The following HEATR5B variants were observed in gnomAD, a reference collection of about 807,000 sequenced individuals.
The protein encoded by HEATR5B is HEAT repeat containing 5B, also known as HEAT repeat-containing protein 5B.
HEATR5B carries 156 observed loss-of-function variants against 224.1 expected under a neutral mutation model. The ratio of observed to expected loss-of-function variants is 0.70; its 90% confidence interval spans 0.61 to 0.80. The LOEUF (loss-of-function observed/expected upper bound fraction) is 0.80, where lower values mean the gene tolerates loss of function less well. HEATR5B is among the 30% of genes least tolerant of loss of function. The pLI, the probability that HEATR5B is intolerant of heterozygous loss-of-function variation, is 0.00. For synonymous variants in HEATR5B, 1,027 were observed against 893.0 expected (o/e 1.15, Z -2.68); for missense variants, 2,323 against 2,535.5 (o/e 0.92, Z 1.80).
intron 10 of HEATR5B, among the ~76,000 whole-genome samples, chr2:37,063,832 G>C (rs955013030): frequency 1.3e-5 from 2 of 152,092 alleles, no homozygotes; most frequent in Admixed American, 6.5e-5. Flanking sequence ...TATTTTTTGA[G>C]ACGGAGTCTT....
intron 18 of HEATR5B, among the ~76,000 whole-genome samples, chr2:37,048,975 G>C (rs1227895743): frequency 1.3e-5 from 2 of 152,116 alleles, no homozygotes; most frequent in Non-Finnish European, 2.9e-5. Context: ...ATATATGATA[G>C]CTAAGAATGA....
At chr2:37,004,714 G>C (rs1449248873) in intron 30 of HEATR5B, among the ~76,000 whole-genome samples, 1 of 151,964 alleles carries the variant, frequency 6.6e-6, no homozygotes, top group African/African-American at 2.4e-5. Flanking sequence ...CCTTGTCTTT[G>C]ATAACTCTGT....
intron 26 of HEATR5B, among the ~76,000 whole-genome samples, chr2:37,018,251 T>G (rs1668248003): frequency 6.6e-6 from 1 of 152,194 alleles, no homozygotes; most frequent in South Asian, 2.1e-4. Context: ...AATTCAGTAT[T>G]CATATACAAG....
rs775120824 is a variant in HEATR5B at position 36,995,087 on chromosome 2, G to GTTTTTTTTTT, written c.5546-4298_5546-4289dup. 1.6e-3 allele frequency among the ~76,000 whole-genome samples: 168 copies of GTTTTTTTTTT among 104,118 alleles called. 19 individuals carry two copies. The highest frequency in any genetic ancestry group is 4.1e-3 in the African/African-American group (101 of 24,448). 68.3% of individuals were successfully genotyped at this position (104,118 alleles called of 152,430 possible). ...CGATTTCTTCGTCTTGTTATTCCTT[G>GTTTTTTTTTT]TTTTTTTTTTTTTTTTTCCTGAGAT... On this transcript the variant is annotated intron_variant, in intron 33 of 35. Transcript: ENST00000233099.
intron 10 of HEATR5B, among the ~76,000 whole-genome samples, chr2:37,064,279 G>GT (rs1168347754): frequency 0.053 from 6,797 of 127,126 alleles, 237 homozygotes; most frequent in South Asian, 0.079. Context: ...CTAAGGTTGG[G>GT]TTTTTTTTTT....
intron 16 of HEATR5B, chr2:37,055,102 C>A (rs1395927054): frequency 7.3e-6 from 3 of 413,276 alleles, no homozygotes; most frequent in South Asian, 5.6e-5. Flanking sequence ...CTAAGAACAG[C>A]AGTAAATATA....
rs768940392 is a variant in HEATR5B at position 37,028,011 on chromosome 2, CA to C, written c.3764del (p.Leu1255ArgfsTer83). The C allele has an allele frequency of 1.9e-6, 3 of 1,614,168 alleles. No homozygotes were observed. In the South Asian group the frequency reaches 3.3e-5, roughly 18 times the overall value. Reference protein sequence around the residue: ...WATRVFAADCLCRIINLCENA... With the variant: ...WATRVFAADCXCRIINLCENA... Reference sequence around the variant, plus strand: ...TCTCACACAAATTGATGATTCGACACAGGCAATCGGCAGCAAATACTCGAGT... The same window carrying C: ...TCTCACACAAATTGATGATTCGACACGGCAATCGGCAGCAAATACTCGAGT... On this transcript the variant is annotated frameshift_variant, in exon 24 of 36. Coordinates refer to ENST00000233099, the MANE Select transcript of HEATR5B (RefSeq NM_019024.3). LOFTEE classifies it high-confidence loss of function.
intron 24 of HEATR5B, among the ~76,000 whole-genome samples, chr2:37,024,541 A>G (rs1007281533): frequency 6.6e-6 from 1 of 152,210 alleles, no homozygotes; most frequent in Non-Finnish European, 1.5e-5. Flanking sequence ...TGCCCAACTG[A>G]TAAGCTAGAA....
chr2:37,078,465 T>A (rs1000262246), intron 3 of HEATR5B, among the ~76,000 whole-genome samples: 6 of 152,238 alleles, frequency 3.9e-5, no homozygotes, highest in African/African-American at 1.4e-4. Context: ...ATTATGTGTG[T>A]ATTTGCTAAG....
chr2:37,064,951 C>A lies in HEATR5B; in HGVS notation c.1373G>T (p.Ser458Ile). The change falls in exon 10 of 36, where the codon AGC becomes ATC. Residue 458 changes from serine (S) to isoleucine (I), a missense_variant. Ser to Ile is a moderately radical substitution (Grantham distance 142). This residue lies in a region of HEATR5B where 502 missense variants were observed against 517.8 expected (regional missense o/e 0.97). Transcript: ENST00000233099. ...EIVTSVLLHP[S>I]MAARLAAAWC... Reference sequence around the variant, plus strand: ...TGCAGCAGCAAGTCGGGCAGCCATGCTTGGATGAAGCAGCACTGAAGTCAC... The same window carrying A: ...TGCAGCAGCAAGTCGGGCAGCCATGATTGGATGAAGCAGCACTGAAGTCAC... 1 of 1,614,086 alleles carries A rather than the reference C, an allele frequency of 6.2e-7. No individual in the cohort carries two copies. Among genetic ancestry groups the A allele is most frequent in the South Asian group, 1.1e-5 (1 of 91,084 alleles).
intron 24 of HEATR5B, among the ~76,000 whole-genome samples, chr2:37,024,444 T>C (rs1255603628): frequency 6.6e-6 from 1 of 152,238 alleles, no homozygotes; most frequent in Non-Finnish European, 1.5e-5. Flanking sequence ...GTTAATTTGC[T>C]AGATTTAACT....
chr2:37,083,454 A>G lies in HEATR5B; in HGVS notation c.-22-18T>C. On this transcript the variant is annotated intron_variant, in intron 1 of 35. Transcript: ENST00000233099. ...ATTCACACCTTAAATTTAACAGAGT[A>G]AAAAATACTTGTAAGTATTTTTTAA... The G allele has an allele frequency of 6.4e-7, 1 of 1,557,754 alleles. No homozygotes were observed. Among genetic ancestry groups the G allele is most frequent in the African/African-American group, 1.4e-5 (1 of 73,208 alleles).
At chr2:37,056,683 A>C in intron 15 of HEATR5B, 68 bp from the exon 16 acceptor site, 1 of 1,346,496 alleles carries the variant, frequency 7.4e-7, no homozygotes, top group East Asian at 2.4e-5. Context: ...AACATTGGGA[A>C]TGAGGATTAC....
intron 33 of HEATR5B, among the ~76,000 whole-genome samples, chr2:36,998,148 A>G (rs767523798): frequency 1.3e-5 from 2 of 152,220 alleles, no homozygotes; most frequent in Non-Finnish European, 2.9e-5. Context: ...AAATGTTTTA[A>G]TAGGTGAGAT....
chr2:36,992,725 AT>A (rs1666414443), intron 33 of HEATR5B, among the ~76,000 whole-genome samples: 1 of 152,124 alleles, frequency 6.6e-6, no homozygotes, highest in South Asian at 2.1e-4. Flanking sequence ...TTTTATATTC[AT>A]TTTTTAAAAA....
In HEATR5B at chr2:37,040,230, T is replaced by C. The variant is rs1028971886; in HGVS notation, c.3046+99A>G. ...CAAGTATTCAGTACATAGTAATTGT[T>C]ATTACAAAATTTCTTCAAGTAATGT... On this transcript the variant is annotated intron_variant, in intron 20 of 35. Coordinates refer to ENST00000233099, the MANE Select transcript of HEATR5B (RefSeq NM_019024.3). 8.3e-6 allele frequency: 8 copies of C among 967,640 alleles called. No homozygotes were observed. In the African/African-American group the frequency reaches 1.0e-4, roughly 12 times the overall value. 59.9% of individuals were successfully genotyped at this position (967,640 alleles called of 1,614,324 possible).
intron 24 of HEATR5B, among the ~76,000 whole-genome samples, chr2:37,024,242 A>G (rs1668633742): frequency 1.3e-5 from 2 of 152,300 alleles, no homozygotes; most frequent in South Asian, 4.1e-4. Context: ...ACCAGAGGTT[A>G]AGGGTAAGAT....
intron 24 of HEATR5B, 65 bp from the exon 25 acceptor site, chr2:37,020,901 T>C (rs530519007): frequency 1.1e-6 from 1 of 893,678 alleles, no homozygotes; most frequent in East Asian, 2.9e-5. Context: ...AACATAAAAA[T>C]ATGAAATGAA....
intron 7 of HEATR5B, among the ~76,000 whole-genome samples, chr2:37,069,571 T>C (rs1317612802): frequency 2.0e-5 from 3 of 152,210 alleles, no homozygotes; most frequent in African/African-American, 7.2e-5. Context: ...GCTACAGGGT[T>C]GTTGGAGAAT....
Sources: allele counts gnomAD v4.1 joint callset (sites outside exome capture counted in the v4.1 genomes callset), GRCh38; gene constraint gnomAD v4.1.1; regional missense constraint gnomAD v4.1.1; transcripts MANE v1.5; gene names NCBI Gene and HGNC (gene_info 2026-07-23, HGNC 2026-07-21).